The following RNFT2 variants were observed in gnomAD, a reference collection of about 807,000 sequenced individuals.
RNFT2 encodes the protein E3 ubiquitin-protein ligase RNFT2.
In RNFT2, 36 loss-of-function variants were observed where a neutral mutation model predicts 53.0. That is an observed-to-expected ratio of 0.68 (90% confidence interval 0.52 to 0.90). RNFT2 has a LOEUF of 0.90. Ranked by LOEUF, RNFT2 falls within the 40% of genes least tolerant of loss-of-function variation. RNFT2 has a pLI of 0.00. For missense variants in RNFT2, 514 were observed against 585.6 expected (o/e 0.88, Z 1.26); for synonymous variants, 260 against 253.2 (o/e 1.03, Z -0.26).
chr12:116,772,338 C>T (rs1229723782), intron 6 of RNFT2, among the ~76,000 whole-genome samples: 8 of 152,134 alleles, frequency 5.3e-5, no homozygotes, highest in South Asian at 2.1e-4. Context: ...GACAGAGTCT[C>T]GCTCTGTCAC....
intron 5 of RNFT2, among the ~76,000 whole-genome samples, chr12:116,760,632 G>A (rs1262324860): frequency 2.6e-5 from 4 of 152,150 alleles, no homozygotes; most frequent in African/African-American, 7.2e-5. Flanking sequence ...GTGAGTGTTC[G>A]GGAGAGGAGG....
intron 10 of RNFT2, among the ~76,000 whole-genome samples, chr12:116,840,429 C>T (rs897697120): frequency 2.6e-5 from 4 of 152,202 alleles, no homozygotes; most frequent in Non-Finnish European, 5.9e-5. Flanking sequence ...GCCCATTCCA[C>T]AAGGCTTGGT....
At chr12:116,749,057 T>C (rs909131290) in intron 3 of RNFT2, among the ~76,000 whole-genome samples, 5 of 152,160 alleles carry the variant, frequency 3.3e-5, no homozygotes, top group Admixed American at 2.0e-4. Flanking sequence ...TTAATATTAT[T>C]TGTATTAGTT....
rs951566060 is a variant in RNFT2 at position 116,740,323 on chromosome 12, C to T, written c.-153-22C>T. On this transcript the variant is annotated intron_variant, in intron 1 of 10. Coordinates refer to ENST00000257575, the MANE Select transcript of RNFT2 (RefSeq NM_001382266.1). ...TCAAGGTATCGCAGGGACTGTTCATCCAGGTGTTCTGTTCCATCCAGGTTT... is the reference window on the plus strand; with the variant it reads ...TCAAGGTATCGCAGGGACTGTTCATTCAGGTGTTCTGTTCCATCCAGGTTT... 1.3e-5 allele frequency: 8 copies of T among 613,608 alleles called. No homozygotes were observed. In the African/African-American group the frequency reaches 1.5e-4, roughly 11 times the overall value. 38.0% of individuals were successfully genotyped at this position (613,608 alleles called of 1,614,324 possible). A position where few individuals can be genotyped will look rare whatever the true frequency, so the allele number is the denominator to read the frequency against.
intron 7 of RNFT2, among the ~76,000 whole-genome samples, chr12:116,832,641 G>A (rs940081804): frequency 6.6e-5 from 10 of 152,256 alleles, no homozygotes; most frequent in Non-Finnish European, 1.2e-4. Context: ...CAGAGTGGGT[G>A]TATTTTCATC....
intron 10 of RNFT2, among the ~76,000 whole-genome samples, chr12:116,847,525 T>G (rs1425294158): frequency 1.0e-5 from 1 of 97,340 alleles, no homozygotes; most frequent in Non-Finnish European, 2.8e-5. Context: ...CCTTTCTCTC[T>G]CTCTCTCTTT....
At chr12:116,812,238 A>G (rs1422604804) in intron 7 of RNFT2, among the ~76,000 whole-genome samples, 2 of 152,176 alleles carry the variant, frequency 1.3e-5, no homozygotes, top group Admixed American at 1.3e-4. Flanking sequence ...TCCCTGCTGC[A>G]GCCTTATCCA....
chr12:116,834,334 G>C (rs1000454816), intron 8 of RNFT2, among the ~76,000 whole-genome samples: 20 of 152,054 alleles, frequency 1.3e-4, no homozygotes, highest in African/African-American at 4.6e-4. Flanking sequence ...GGCCAGGCTG[G>C]TTTTGAACTC....
intron 2 of RNFT2, 42 bp downstream of exon 2, chr12:116,740,563 G>T: frequency 1.3e-6 from 2 of 1,541,366 alleles, no homozygotes; most frequent in South Asian, 2.4e-5. Flanking sequence ...ATTACTACTT[G>T]ATTAAATGTG....
chr12:116,798,810 A>G (rs1350579667), intron 7 of RNFT2, among the ~76,000 whole-genome samples: 4 of 150,634 alleles, frequency 2.7e-5, no homozygotes, highest in Middle Eastern at 7.2e-3. Flanking sequence ...TCCTAAGCTC[A>G]AGCGATCTAC....
chr12:116,746,408 GA>G (rs1871897081), intron 3 of RNFT2, among the ~76,000 whole-genome samples: 1 of 152,082 alleles, frequency 6.6e-6, no homozygotes, highest in Non-Finnish European at 1.5e-5. Flanking sequence ...GGTCTCAAGG[GA>G]AAGATGAGGA....
intron 7 of RNFT2, among the ~76,000 whole-genome samples, chr12:116,782,925 C>G (rs1219257186): frequency 6.6e-6 from 1 of 152,180 alleles, no homozygotes; most frequent in Non-Finnish European, 1.5e-5. Context: ...GTATTAAACT[C>G]TTCAGTTACC....
At chr12:116,846,970 G>A (rs6490094) in intron 10 of RNFT2, among the ~76,000 whole-genome samples, 29,279 of 148,606 alleles carry the variant, frequency 0.2, 3,414 homozygotes, top group East Asian at 0.35. Context: ...GTGCAGTGGC[G>A]CGATCTTGGC....
intron 9 of RNFT2, 45 bp downstream of exon 9, chr12:116,836,070 G>T (rs1426831122): frequency 6.2e-7 from 1 of 1,611,334 alleles, no homozygotes; most frequent in African/African-American, 1.3e-5. Context: ...TGAGAATCAG[G>T]AACTGGAAAC....
intron 5 of RNFT2, among the ~76,000 whole-genome samples, chr12:116,761,242 A>G (rs1872682386): frequency 6.6e-6 from 1 of 152,098 alleles, no homozygotes; most frequent in African/African-American, 2.4e-5. Flanking sequence ...TCTGCCTCCC[A>G]GGTTCAAGCA....
chr12:116,757,169 A>G (rs1872541894), intron 5 of RNFT2, among the ~76,000 whole-genome samples: 1 of 152,110 alleles, frequency 6.6e-6, no homozygotes, highest in Admixed American at 6.6e-5. Flanking sequence ...GTCACTTGAA[A>G]TATCTCCTGT....
chr12:116,840,797 T>A (rs1168707334), intron 10 of RNFT2, among the ~76,000 whole-genome samples: 4 of 152,188 alleles, frequency 2.6e-5, no homozygotes, highest in Non-Finnish European at 5.9e-5. Context: ...TGTATAGGGC[T>A]GTATATGGGT....
intron 6 of RNFT2, among the ~76,000 whole-genome samples, chr12:116,775,261 C>A (rs371373719): frequency 1.9e-3 from 223 of 116,702 alleles, no homozygotes; most frequent in South Asian, 3.0e-3. Flanking sequence ...ACTCCCGTCT[C>A]AAAAAAAAAA....
intron 7 of RNFT2, among the ~76,000 whole-genome samples, chr12:116,824,271 T>C (rs1328449354): frequency 6.6e-6 from 1 of 152,198 alleles, no homozygotes; most frequent in Non-Finnish European, 1.5e-5. Flanking sequence ...GAAACCCAGC[T>C]GTTTCAAAGC....
Sources: gnomAD v4.1 joint callset for allele counts (sites outside exome capture counted in the v4.1 genomes callset) on GRCh38, gnomAD v4.1.1 for gene constraint, MANE v1.5 for transcripts, NCBI Gene and HGNC (gene_info 2026-07-23, HGNC 2026-07-21) for gene names.